EML6: variants seen among roughly 807,000 people sequenced by gnomAD.
EML6 encodes echinoderm microtubule-associated protein-like 6.
EML6 carries 154 observed loss-of-function variants against 240.1 expected under a neutral mutation model. The observed-to-expected ratio is 0.64, with a 90% confidence interval of 0.56 to 0.73. The LOEUF (loss-of-function observed/expected upper bound fraction) is 0.73, where lower values mean the gene tolerates loss of function less well. Among genes scored for constraint, EML6 ranks in the 30% least tolerant of loss-of-function variants. The pLI is 0.00. For synonymous variants in EML6, 1,148 were observed against 899.0 expected, an observed-to-expected ratio of 1.28 and a Z score of -4.95; for missense variants, 2,964 against 2,474.6, an observed-to-expected ratio of 1.20 and a Z score of -4.20.
intron 2 of EML6, among the ~76,000 whole-genome samples, chr2:54,735,256 G>A (rs1251387870): frequency 6.6e-6 from 1 of 152,154 alleles, no homozygotes; most frequent in African/African-American, 2.4e-5. Flanking sequence ...TGCATTTGTT[G>A]ACTTACCCAT....
intron 24 of EML6, among the ~76,000 whole-genome samples, chr2:54,910,039 T>C (rs1673557621): frequency 6.6e-6 from 1 of 152,084 alleles, no homozygotes. Context: ...ATATTATGTA[T>C]ATGTATACTG....
chr2:54,843,000 A>G (rs983272900), intron 7 of EML6, among the ~76,000 whole-genome samples: 1 of 152,210 alleles, frequency 6.6e-6, no homozygotes, highest in Non-Finnish European at 1.5e-5. Flanking sequence ...GGATATATCT[A>G]GATTCTGATC....
chr2:54,763,128 C>T (rs1046615283), intron 2 of EML6, among the ~76,000 whole-genome samples: 1 of 152,112 alleles, frequency 6.6e-6, no homozygotes, highest in Admixed American at 6.5e-5. Context: ...TCATTTGATC[C>T]ATCCTGCAAT....
At chr2:54,952,743 C>G in intron 31 of EML6, 51 bp downstream of exon 31, 5 of 1,247,630 alleles carry the variant, frequency 4.0e-6, no homozygotes, top group Non-Finnish European at 5.7e-6. Context: ...GGGACGCTGA[C>G]CTGTCAGCAA....
intron 2 of EML6, among the ~76,000 whole-genome samples, chr2:54,796,578 TAATGAA>T (rs930857673): frequency 2.0e-5 from 3 of 152,076 alleles, no homozygotes; most frequent in African/African-American, 7.2e-5. Flanking sequence ...AATCCTTTCA[TAATGAA>T]AATTGAGTAT....
At chr2:54,827,415 A>G (rs1345597112) in intron 5 of EML6, 151 bp from the exon 6 acceptor site, 3 of 625,778 alleles carry the variant, frequency 4.8e-6, no homozygotes, top group Non-Finnish European at 8.3e-6. Context: ...TTTGTGTTAC[A>G]TGTTGTTATG....
intron 2 of EML6, among the ~76,000 whole-genome samples, chr2:54,795,894 G>C (rs1284891880): frequency 6.6e-6 from 1 of 152,114 alleles, no homozygotes; most frequent in Non-Finnish European, 1.5e-5. Context: ...AGCTTAAAAA[G>C]CTGCTTCTGT....
chr2:54,822,127 T>C (rs1485239783), intron 5 of EML6, among the ~76,000 whole-genome samples: 2 of 152,070 alleles, frequency 1.3e-5, no homozygotes, highest in Non-Finnish European at 2.9e-5. Flanking sequence ...AACTGACAAA[T>C]AGAAACACTG....
intron 25 of EML6, among the ~76,000 whole-genome samples, chr2:54,914,849 A>G (rs1673826560): frequency 6.6e-6 from 1 of 152,232 alleles, no homozygotes; most frequent in Admixed American, 6.5e-5. Flanking sequence ...AATTGTTAAA[A>G]TATGACAAAT....
At chr2:54,828,295 A>G (rs1403822057) in intron 6 of EML6, among the ~76,000 whole-genome samples, 2 of 152,236 alleles carry the variant, frequency 1.3e-5, no homozygotes, top group South Asian at 4.1e-4. Context: ...ATAACTACAT[A>G]TCTTCTGATG....
chr2:54,923,809 T>A (rs1366000829), intron 26 of EML6, among the ~76,000 whole-genome samples: 1 of 151,450 alleles, frequency 6.6e-6, no homozygotes, highest in Non-Finnish European at 1.5e-5. Flanking sequence ...GCCCCCTCCC[T>A]CCCTCAGCTG....
intron 22 of EML6, among the ~76,000 whole-genome samples, chr2:54,902,824 C>A (rs1016116716): frequency 6.6e-6 from 1 of 152,218 alleles, no homozygotes; most frequent in Non-Finnish European, 1.5e-5. Context: ...TTCCACCTGC[C>A]TCGACCTTCC....
intron 2 of EML6, among the ~76,000 whole-genome samples, chr2:54,726,333 A>G (rs1052439646): frequency 6.6e-6 from 1 of 152,226 alleles, no homozygotes; most frequent in Admixed American, 6.5e-5. Context: ...GTCTTTCACA[A>G]TGAAATAAAT....
intron 21 of EML6, among the ~76,000 whole-genome samples, chr2:54,898,825 CTA>C (rs1482412999): frequency 6.6e-6 from 1 of 152,180 alleles, no homozygotes; most frequent in Non-Finnish European, 1.5e-5. Context: ...CTCTGTAGCA[CTA>C]ATCTTTACAC....
chr2:54,925,209 C>G (rs1674478738), intron 26 of EML6, among the ~76,000 whole-genome samples: 1 of 152,158 alleles, frequency 6.6e-6, no homozygotes, highest in Non-Finnish European at 1.5e-5. Flanking sequence ...GCCCGCTCTT[C>G]CTGTGAGCAC....
At position 54,847,600 on chromosome 2, in the gene EML6, C is replaced by T. The variant is rs1411517394; in HGVS notation, c.1164C>T (p.Gly388=). Residue 388 remains glycine, a synonymous_variant, in exon 9 of 42, where the codon GGC becomes GGT. Coordinates refer to ENST00000356458, the MANE Select transcript of EML6 (RefSeq NM_001039753.4). The part of the protein sequence containing the change: ...GSQLALGMKD[G]SFIVLRVRDM... Reference sequence around the variant, plus strand: ...AGCTGGCCCTGGGCATGAAGGACGGCTCTTTCATTGTTCTCCGAGTCAGGC... The same window carrying T: ...AGCTGGCCCTGGGCATGAAGGACGGTTCTTTCATTGTTCTCCGAGTCAGGC... The T allele has an allele frequency of 6.4e-7, 1 of 1,552,274 alleles. No individual in the cohort carries two copies. Among genetic ancestry groups the T allele is most frequent in the Admixed American group, 2.0e-5 (1 of 51,000 alleles).
intron 2 of EML6, among the ~76,000 whole-genome samples, chr2:54,798,283 C>G (rs1669929709): frequency 6.6e-6 from 1 of 152,098 alleles, no homozygotes; most frequent in Admixed American, 6.6e-5. Flanking sequence ...AGTGCTTCTC[C>G]TGCCTCAGCC....
At position 54,853,757 on chromosome 2, in the gene EML6, A is replaced by C; in HGVS notation, c.1559A>C (p.Asp520Ala). ...GIWPKYTEVT[D>A]INSVDANYNS... ...TGGCCCAAATACACTGAGGTTACTG[A>C]CATCAACTCAGTGGATGCGAATTAC... Residue 520 changes from aspartate (D) to alanine (A), a missense_variant, in exon 11 of 42, where the codon GAC becomes GCC. Transcript: ENST00000356458. 1.3e-6 allele frequency: 2 copies of C among 1,551,332 alleles called. No homozygotes were observed. The highest frequency in any genetic ancestry group is 1.7e-6 in the Non-Finnish European group (2 of 1,146,654).
intron 26 of EML6, among the ~76,000 whole-genome samples, chr2:54,926,529 A>G (rs922184883): frequency 2.0e-5 from 3 of 152,256 alleles, no homozygotes; most frequent in African/African-American, 4.8e-5. Flanking sequence ...AAGGTCATTC[A>G]TCCCAATGGC....
Sources: allele counts gnomAD v4.1 joint callset (sites outside exome capture counted in the v4.1 genomes callset), GRCh38; gene constraint gnomAD v4.1.1; transcripts MANE v1.5; gene names NCBI Gene and HGNC (gene_info 2026-07-23, HGNC 2026-07-21).